The following RGPD4 variants were observed in gnomAD, a reference collection of about 807,000 sequenced individuals.
The protein encoded by RGPD4 is ranBP2-like and GRIP domain-containing protein 4.
Under a neutral mutation model 141.1 loss-of-function variants are expected in RGPD4, and 84 were observed. The ratio of observed to expected loss-of-function variants is 0.60; its 90% confidence interval spans 0.50 to 0.71. The LOEUF (loss-of-function observed/expected upper bound fraction) is 0.71. Ranked by LOEUF, RGPD4 falls within the 30% of genes least tolerant of loss-of-function variation. The pLI, the probability that RGPD4 is intolerant of heterozygous loss-of-function variation, is 0.00. For missense variants in RGPD4, 918 were observed against 1,622.4 expected (o/e 0.57, Z 7.46); for synonymous variants, 298 against 566.8 (o/e 0.53, Z 6.74).
Position 107,859,757 on chromosome 2 carries a change from A to G in RGPD4, c.1670A>G (p.Gln557Arg). 1 of 1,611,126 alleles carries G rather than the reference A, an allele frequency of 6.2e-7. No individual in the cohort carries two copies. The change falls in exon 12 of 23, where the codon CAG becomes CGG. Residue 557 changes from glutamine (Q) to arginine (R), a missense_variant. Physicochemically the swap from Gln to Arg is conservative, Grantham distance 43. Coordinates refer to ENST00000408999, the MANE Select transcript of RGPD4 (RefSeq NM_182588.3). ...TCAGCAAAATTGAGACTTTTAGTTCAGCATGAAATAAACACTCTAAGAGCC... is the reference window on the plus strand; with the variant it reads ...TCAGCAAAATTGAGACTTTTAGTTCGGCATGAAATAAACACTCTAAGAGCC... The part of the protein sequence containing the change: ...GNSAKLRLLV[Q>R]HEINTLRAQE...
chr2:107,886,024 G>A (rs1253323480), intron 22 of RGPD4, among the ~76,000 whole-genome samples: 1 of 146,214 alleles, frequency 6.8e-6, no homozygotes, highest in Non-Finnish European at 1.5e-5. Flanking sequence ...TTGCACTCCA[G>A]CCCGAGCAAC....
intron 22 of RGPD4, among the ~76,000 whole-genome samples, chr2:107,885,081 G>A (rs1675474085): frequency 6.6e-6 from 1 of 152,176 alleles, no homozygotes; most frequent in South Asian, 2.1e-4. Flanking sequence ...AGCCACAATA[G>A]TATTTTTGTC....
At chr2:107,831,838 C>G (rs984738753) in intron 1 of RGPD4, among the ~76,000 whole-genome samples, 2 of 140,892 alleles carry the variant, frequency 1.4e-5, no homozygotes, top group African/African-American at 5.4e-5. Context: ...CCCAAAGTGC[C>G]GGGATTACAG....
chr2:107,828,073 C>A (rs1215437932), intron 1 of RGPD4, among the ~76,000 whole-genome samples: 6 of 42,824 alleles, frequency 1.4e-4, no homozygotes, highest in Admixed American at 1.1e-3. Flanking sequence ...CTGGCGCGCT[C>A]TGTTGAGGCA....
intron 17 of RGPD4, among the ~76,000 whole-genome samples, chr2:107,863,800 A>T (rs925671096): frequency 3.3e-5 from 5 of 151,890 alleles, no homozygotes; most frequent in African/African-American, 1.2e-4. Context: ...GCCCTTTACT[A>T]TATTTTTGAA....
At chr2:107,880,134 G>A (rs774090408) in intron 21 of RGPD4, 27 bp downstream of exon 21, 71 of 1,611,086 alleles carry the variant, frequency 4.4e-5, no homozygotes, top group Non-Finnish European at 5.9e-5. Flanking sequence ...TGGCCACCAT[G>A]AAAACTGCCA....
intron 20 of RGPD4, among the ~76,000 whole-genome samples, chr2:107,877,841 A>G (rs4012342): frequency 2.3e-3 from 343 of 150,624 alleles, no homozygotes; most frequent in African/African-American, 7.4e-3. Context: ...TTGAGCTGGA[A>G]TCTCGCTCTG....
chr2:107,871,023 C>T lies in RGPD4; in HGVS notation c.3019C>T (p.Gln1007Ter). Residue 1007 changes from glutamine (Q) to a stop codon, truncating the protein, a stop_gained, in exon 20 of 23, where the codon CAA (glutamine) becomes TAA (stop). Transcript: ENST00000408999. LOFTEE classifies it high-confidence loss of function. The part of the protein sequence containing the change: ...SGAGEKLFSS[Q>*]CGKMANKANT... ...TGCTGGAGAAAAATTATTCTCATCA[C>T]AATGCGGTAAAATGGCCAATAAAGC... 2 of 1,611,096 alleles carry T rather than the reference C, an allele frequency of 1.2e-6. No individual in the cohort carries two copies. The highest frequency in any genetic ancestry group is 1.7e-6 in the Non-Finnish European group (2 of 1,179,788).
intron 20 of RGPD4, among the ~76,000 whole-genome samples, chr2:107,877,889 C>A (rs1204015483): frequency 6.6e-6 from 1 of 151,762 alleles, no homozygotes; most frequent in Non-Finnish European, 1.5e-5. Context: ...TCTTGGCTCA[C>A]TACAACCTCC....
At chr2:107,844,823 C>CTTTTT (rs1681859511) in intron 6 of RGPD4, among the ~76,000 whole-genome samples, 12 of 53,826 alleles carry the variant, frequency 2.2e-4, no homozygotes, top group African/African-American at 5.5e-4. Context: ...TTCTTTCTTT[C>CTTTTT]TTTTTTGTTT....
At chr2:107,857,971 A>T (rs1002891095) in intron 9 of RGPD4, among the ~76,000 whole-genome samples, 6 of 152,208 alleles carry the variant, frequency 3.9e-5, no homozygotes, top group African/African-American at 1.4e-4. Flanking sequence ...CCTGGGCGAC[A>T]GAGCGAGACT....
At chr2:107,835,071 C>CTTTT (rs1195678590) in intron 1 of RGPD4, among the ~76,000 whole-genome samples, 1 of 11,642 alleles carries the variant, frequency 8.6e-5, no homozygotes, top group East Asian at 4.8e-4. Flanking sequence ...GTTGTATCAG[C>CTTTT]TTTTTTTTTT....
intron 1 of RGPD4, among the ~76,000 whole-genome samples, chr2:107,831,577 T>C (rs368980554): frequency 5.9e-4 from 11 of 18,638 alleles, no homozygotes; most frequent in South Asian, 2.1e-3. Flanking sequence ...CTTTTCTTTT[T>C]TTTTTTTTTT....
intron 1 of RGPD4, among the ~76,000 whole-genome samples, chr2:107,828,815 C>T (rs1246053142): frequency 4.9e-5 from 1 of 20,546 alleles, no homozygotes; most frequent in African/African-American, 2.8e-4. Context: ...GTTGAGGCGG[C>T]GGCCTCGACC....
Position 107,877,819 on chromosome 2 carries a change from TG to T in RGPD4, c.4925-2148del, listed in dbSNP as rs1683132808. Among the ~76,000 whole-genome samples the T allele has an allele frequency of 3.3e-5, 5 of 151,888 alleles. No homozygotes were observed. In the South Asian group the frequency reaches 6.2e-4, roughly 19 times the overall value. On this transcript the variant is annotated intron_variant, in intron 20 of 22. Coordinates refer to ENST00000408999, the MANE Select transcript of RGPD4 (RefSeq NM_182588.3). Reference sequence around the variant, plus strand: ...TTTGATGACTAAGGTTTTTTTTGTTTGTTTTTTTGTTTTGAGCTGGAATCTC... The same window carrying T: ...TTTGATGACTAAGGTTTTTTTTGTTTTTTTTTTGTTTTGAGCTGGAATCTC...
chr2:107,889,881 T>C (rs1245811118), intron 22 of RGPD4, among the ~76,000 whole-genome samples: 1 of 151,900 alleles, frequency 6.6e-6, no homozygotes, highest in African/African-American at 2.4e-5. Context: ...TAAAAGAATT[T>C]TTTTTAAAAT....
intron 17 of RGPD4, among the ~76,000 whole-genome samples, chr2:107,865,937 G>T (rs1280853883): frequency 9.2e-5 from 12 of 130,468 alleles, no homozygotes; most frequent in Non-Finnish European, 1.8e-4. Flanking sequence ...TGGCGTGCTG[G>T]CTGACACCTG....
intron 9 of RGPD4, among the ~76,000 whole-genome samples, chr2:107,857,252 C>T (rs1682354383): frequency 6.6e-6 from 1 of 151,560 alleles, no homozygotes; most frequent in African/African-American, 2.4e-5. Flanking sequence ...ATTCTACTGC[C>T]TCAGTCTCCC....
intron 20 of RGPD4, among the ~76,000 whole-genome samples, chr2:107,877,833 G>A (rs1347409755): frequency 6.6e-6 from 1 of 151,210 alleles, no homozygotes; most frequent in East Asian, 1.9e-4. Context: ...TTTTTGTTTT[G>A]AGCTGGAATC....
Sources: allele counts gnomAD v4.1 joint callset (sites outside exome capture counted in the v4.1 genomes callset), GRCh38; gene constraint gnomAD v4.1.1; transcripts MANE v1.5; gene names NCBI Gene and HGNC (gene_info 2026-07-23, HGNC 2026-07-21).